The following TCF4 variants were observed in gnomAD, a reference collection of about 807,000 sequenced individuals.
TCF4 encodes SL3-3 enhancer factor 2.
TCF4 carries 3 observed loss-of-function variants against 82.1 expected under a neutral mutation model. That is an observed-to-expected ratio of 0.04 (90% CI 0.02 to 0.09). The LOEUF (loss-of-function observed/expected upper bound fraction) is 0.09. Among genes scored for constraint, TCF4 ranks in the 10% least tolerant of loss-of-function variants. TCF4 has a pLI of 1.00. For synonymous variants in TCF4, 276 were observed against 309.6 expected, an observed-to-expected ratio of 0.89 and a Z score of 1.14; for missense variants, 518 against 852.7, an observed-to-expected ratio of 0.61 and a Z score of 4.89.
At chr18:55,541,708 G>T (rs2097166719) in intron 3 of TCF4, among the ~76,000 whole-genome samples, 1 of 151,916 alleles carries the variant, frequency 6.6e-6, no homozygotes, top group African/African-American at 2.4e-5. Flanking sequence ...AAATAATGCA[G>T]TTGTGAAATA....
At chr18:55,390,371 A>AAG (rs975261253) in intron 6 of TCF4, among the ~76,000 whole-genome samples, 2 of 149,368 alleles carry the variant, frequency 1.3e-5, no homozygotes, top group African/African-American at 5.0e-5. Context: ...CTATTAGCTG[A>AAG]AGTCATCTAC....
intron 17 of TCF4, 106 bp from the exon 18 acceptor site, chr18:55,229,182 T>G: frequency 7.4e-7 from 1 of 1,358,186 alleles, no homozygotes; most frequent in Non-Finnish European, 1.0e-6. Context: ...TTCCATCTTA[T>G]GCCATGTTTT....
chr18:55,520,703 G>A (rs888307915), intron 3 of TCF4, among the ~76,000 whole-genome samples: 1 of 152,136 alleles, frequency 6.6e-6, no homozygotes, highest in Non-Finnish European at 1.5e-5. Context: ...ACTGGTTAAA[G>A]AAAATGTGAT....
intron 8 of TCF4, among the ~76,000 whole-genome samples, chr18:55,299,319 G>A (rs1202246211): frequency 6.6e-6 from 1 of 152,100 alleles, no homozygotes; most frequent in Admixed American, 6.5e-5. Context: ...GGCTGAGACA[G>A]GAGAATCGCT....
intron 8 of TCF4, among the ~76,000 whole-genome samples, chr18:55,316,213 G>A (rs1187639787): frequency 6.6e-5 from 10 of 152,214 alleles, no homozygotes; most frequent in Non-Finnish European, 1.5e-5. Flanking sequence ...TAGGTCAGCT[G>A]TGCAGAGCAA....
intron 2 of TCF4, among the ~76,000 whole-genome samples, chr18:55,606,175 C>T (rs1049945922): frequency 6.6e-6 from 1 of 152,066 alleles, no homozygotes; most frequent in Non-Finnish European, 1.5e-5. Context: ...CAAGCACTTA[C>T]TATTTGAATA....
intron 3 of TCF4, among the ~76,000 whole-genome samples, chr18:55,527,613 T>A (rs2097001900): frequency 6.6e-6 from 1 of 152,078 alleles, no homozygotes; most frequent in African/African-American, 2.4e-5. Context: ...ATATTCAAGG[T>A]ACCAGCAATT....
intron 3 of TCF4, among the ~76,000 whole-genome samples, chr18:55,577,319 G>C (rs1045231392): frequency 2.0e-5 from 3 of 149,510 alleles, no homozygotes; most frequent in African/African-American, 7.4e-5. Flanking sequence ...AATTAGACTA[G>C]ATAGATGAAA....
chr18:55,298,172 AAT>A (rs1453049362), intron 8 of TCF4, among the ~76,000 whole-genome samples: 1 of 152,174 alleles, frequency 6.6e-6, no homozygotes, highest in Non-Finnish European at 1.5e-5. Flanking sequence ...TGTCTCTACA[AAT>A]ATAAACCCAC....
intron 8 of TCF4, among the ~76,000 whole-genome samples, chr18:55,282,089 C>G (rs1005733411): frequency 5.3e-5 from 8 of 151,962 alleles, no homozygotes; most frequent in Admixed American, 3.3e-4. Flanking sequence ...ATTTACAAAT[C>G]AGATACAATG....
At chr18:55,403,302 T>C in intron 6 of TCF4, 152 bp downstream of exon 6, 1 of 862,334 alleles carries the variant, frequency 1.2e-6, no homozygotes, top group East Asian at 2.4e-5. Context: ...TTCTAAGCTC[T>C]GTGTTATTTC....
intron 3 of TCF4, among the ~76,000 whole-genome samples, chr18:55,564,936 C>T (rs929911960): frequency 1.3e-5 from 2 of 152,140 alleles, no homozygotes; most frequent in African/African-American, 4.8e-5. Context: ...ATGATAACAA[C>T]TCAGTCTGAT....
intron 9 of TCF4, 122 bp from the exon 10 acceptor site, chr18:55,275,874 T>C: frequency 1.6e-6 from 2 of 1,238,150 alleles, no homozygotes; most frequent in Non-Finnish European, 2.4e-6. Context: ...GTTGGTTAGC[T>C]GATTACATCA....
rs1168719900 is a variant in TCF4 at position 55,362,434 on chromosome 18, GAAAA to G, written c.370-11435_370-11432del. Reference sequence around the variant, plus strand: ...GGAAGGAAGGAAGGAAGGAAGGAAGGAAAAAAAAAAAGAAGAAAACATGTATCTG... The same window carrying G: ...GGAAGGAAGGAAGGAAGGAAGGAAGGAAAAAAAGAAGAAAACATGTATCTG... On this transcript the variant is annotated intron_variant, in intron 6 of 19. Coordinates refer to ENST00000354452, the MANE Select transcript of TCF4 (RefSeq NM_001083962.2). Among the ~76,000 whole-genome samples the G allele has an allele frequency of 7.5e-4, 88 of 118,104 alleles. 4 individuals are homozygous for G. The highest frequency in any genetic ancestry group is 7.4e-4 in the Non-Finnish European group (41 of 55,688). 77.5% of individuals were successfully genotyped at this position (118,104 alleles called of 152,430 possible).
intron 8 of TCF4, among the ~76,000 whole-genome samples, chr18:55,296,359 C>T (rs758953297): frequency 7.2e-5 from 11 of 152,154 alleles, no homozygotes; most frequent in Non-Finnish European, 1.5e-4. Flanking sequence ...AGAGGAATCC[C>T]AGGATTTAGA....
chr18:55,271,415 G>T (rs2060343074), intron 10 of TCF4, among the ~76,000 whole-genome samples: 1 of 152,086 alleles, frequency 6.6e-6, no homozygotes, highest in South Asian at 2.1e-4. Flanking sequence ...TTATCAGTCA[G>T]AATTTAATAA....
intron 3 of TCF4, among the ~76,000 whole-genome samples, chr18:55,577,010 A>G (rs973510663): frequency 1.3e-5 from 2 of 150,460 alleles, no homozygotes; most frequent in Non-Finnish European, 3.0e-5. Context: ...TCTCTCTTCC[A>G]TAAAGCCCTC....
At chr18:55,260,518 G>A (rs978599537) in intron 12 of TCF4, among the ~76,000 whole-genome samples, 1 of 152,152 alleles carries the variant, frequency 6.6e-6, no homozygotes, top group Non-Finnish European at 1.5e-5. Flanking sequence ...AATGGTAAAA[G>A]CCAACTGAAG....
intron 3 of TCF4, among the ~76,000 whole-genome samples, chr18:55,473,991 A>AC (rs1434069244): frequency 6.6e-6 from 1 of 152,186 alleles, no homozygotes; most frequent in Non-Finnish European, 1.5e-5. Flanking sequence ...ACAGCAGAAC[A>AC]CGCAGTTCCT....
Sources: gnomAD v4.1 joint callset for allele counts (sites outside exome capture counted in the v4.1 genomes callset) on GRCh38, gnomAD v4.1.1 for gene constraint, MANE v1.5 for transcripts, NCBI Gene and HGNC (gene_info 2026-07-23, HGNC 2026-07-21) for gene names.